The following LRFN5 variants were observed in gnomAD, a reference collection of about 807,000 sequenced individuals.
LRFN5 encodes the protein leucine-rich repeat and fibronectin type-III domain-containing protein 5.
Under a neutral mutation model 45.6 loss-of-function variants are expected in LRFN5, and 24 were observed. That is an observed-to-expected ratio of 0.53 (90% CI 0.38 to 0.74). The LOEUF is 0.74. LRFN5 is among the 30% of genes least tolerant of loss of function. LRFN5 has a pLI of 0.00. For missense variants in LRFN5, 776 were observed against 861.5 expected (o/e 0.90, Z 1.24); for synonymous variants, 340 against 313.8 (o/e 1.08, Z -0.88).
intron 5 of LRFN5, among the ~76,000 whole-genome samples, chr14:41,900,137 A>G (rs1367767605): frequency 6.6e-6 from 1 of 152,018 alleles, no homozygotes; most frequent in African/African-American, 2.4e-5. Flanking sequence ...TTAATAAATC[A>G]TATCCAGCCA....
At chr14:41,826,364 A>G (rs1221758600) in intron 2 of LRFN5, among the ~76,000 whole-genome samples, 1 of 152,176 alleles carries the variant, frequency 6.6e-6, no homozygotes, top group Non-Finnish European at 1.5e-5. Flanking sequence ...TTCAAATGTC[A>G]TCTATGCCTT....
At chr14:41,857,985 G>C (rs1889530874) in intron 2 of LRFN5, among the ~76,000 whole-genome samples, 1 of 152,150 alleles carries the variant, frequency 6.6e-6, no homozygotes, top group Admixed American at 6.5e-5. Flanking sequence ...AGGGAATGTT[G>C]AAAGATAAGG....
intron 1 of LRFN5, among the ~76,000 whole-genome samples, chr14:41,620,967 A>G (rs1888113605): frequency 4.1e-5 from 3 of 72,524 alleles, no homozygotes; most frequent in Non-Finnish European, 7.8e-5. Flanking sequence ...GAATTGATAC[A>G]TACATTAATA....
At chr14:41,807,221 C>A (rs1373319803) in intron 2 of LRFN5, among the ~76,000 whole-genome samples, 1 of 152,026 alleles carries the variant, frequency 6.6e-6, no homozygotes, top group Non-Finnish European at 1.5e-5. Context: ...GATTTTCTAC[C>A]TATTGAAGAA....
intron 1 of LRFN5, among the ~76,000 whole-genome samples, chr14:41,673,421 C>A (rs1326802176): frequency 1.5e-5 from 2 of 137,504 alleles, no homozygotes; most frequent in East Asian, 2.2e-4. Context: ...CACTGCCGGA[C>A]CGGGCGGCTG....
intron 1 of LRFN5, among the ~76,000 whole-genome samples, chr14:41,764,282 T>C (rs1217296911): frequency 6.6e-6 from 1 of 152,216 alleles, no homozygotes; most frequent in African/African-American, 2.4e-5. Flanking sequence ...CCAAGGTTAG[T>C]TGACCTTTCT....
At chr14:41,649,635 T>C (rs989200726) in intron 1 of LRFN5, among the ~76,000 whole-genome samples, 1 of 152,128 alleles carries the variant, frequency 6.6e-6, no homozygotes, top group Non-Finnish European at 1.5e-5. Flanking sequence ...TATCTGATCA[T>C]CTTTGATATT....
intron 1 of LRFN5, among the ~76,000 whole-genome samples, chr14:41,729,657 C>A (rs1173402818): frequency 6.6e-6 from 1 of 151,910 alleles, no homozygotes; most frequent in Non-Finnish European, 1.5e-5. Context: ...ATAATTCTTG[C>A]ATATATTTTG....
chr14:41,853,242 T>C (rs1889334413), intron 2 of LRFN5, among the ~76,000 whole-genome samples: 1 of 151,984 alleles, frequency 6.6e-6, no homozygotes, highest in African/African-American at 2.4e-5. Context: ...TTTTATTCAT[T>C]AATTTATACA....
intron 2 of LRFN5, among the ~76,000 whole-genome samples, chr14:41,803,542 G>A (rs1190395853): frequency 2.0e-5 from 3 of 151,626 alleles, no homozygotes; most frequent in African/African-American, 7.3e-5. Flanking sequence ...TTTTGTTGAG[G>A]TGGGTCCTCA....
intron 1 of LRFN5, among the ~76,000 whole-genome samples, chr14:41,747,123 C>T (rs1884952734): frequency 6.6e-6 from 1 of 151,912 alleles, no homozygotes; most frequent in Non-Finnish European, 1.5e-5. Context: ...ATCAGTATTA[C>T]CCAAAAGGAT....
At chr14:41,894,176 G>A in intron 4 of LRFN5, 1 of 985,188 alleles carries the variant, frequency 1.0e-6, no homozygotes. Context: ...TGAAGGTTGT[G>A]ATCAAAGATA....
At chr14:41,643,776 A>T (rs182562923) in intron 1 of LRFN5, among the ~76,000 whole-genome samples, 4 of 152,104 alleles carry the variant, frequency 2.6e-5, no homozygotes, top group African/African-American at 7.2e-5. Flanking sequence ...ATATTCTTTT[A>T]ACCCTCTGCT....
chr14:41,650,274 A>C (rs750527859), intron 1 of LRFN5, among the ~76,000 whole-genome samples: 8,640 of 81,324 alleles, frequency 0.11, 424 homozygotes, highest in African/African-American at 0.22. Flanking sequence ...CACAAAAAAA[A>C]AAAAGATACT....
chr14:41,715,646 G>A (rs2138756593), intron 1 of LRFN5, among the ~76,000 whole-genome samples: 1 of 152,304 alleles, frequency 6.6e-6, no homozygotes, highest in Middle Eastern at 3.4e-3. Flanking sequence ...CTGGAGGTTG[G>A]GAAGTACAAG....
chr14:41,749,515 G>A (rs778451646), intron 1 of LRFN5, among the ~76,000 whole-genome samples: 2 of 152,026 alleles, frequency 1.3e-5, no homozygotes, highest in Admixed American at 6.6e-5. Flanking sequence ...TGTCTTTTGC[G>A]GGAACATGGA....
At position 41,831,189 on chromosome 14, in the gene LRFN5, G is replaced by T. The variant is rs527904160; in HGVS notation, c.-20-55417G>T. ...TTCTCTCCAAAAAAGAATACAAAGAGGATATGTGTTACATTACCCGTCTTT... is the reference window on the plus strand; with the variant it reads ...TTCTCTCCAAAAAAGAATACAAAGATGATATGTGTTACATTACCCGTCTTT... On this transcript the variant is annotated intron_variant, in intron 2 of 5. Transcript: ENST00000298119. 9.9e-4 allele frequency among the ~76,000 whole-genome samples: 151 copies of T among 152,162 alleles called. 2 individuals carry two copies. The highest frequency in any genetic ancestry group is 1.9e-3 in the Non-Finnish European group (131 of 67,984).
intron 2 of LRFN5, among the ~76,000 whole-genome samples, chr14:41,886,072 G>A (rs1442430589): frequency 6.8e-6 from 1 of 147,378 alleles, no homozygotes; most frequent in Non-Finnish European, 1.5e-5. Flanking sequence ...AAGATAGTTT[G>A]TAAAGAAGAA....
chr14:41,717,335 A>G (rs1883533269), intron 1 of LRFN5, among the ~76,000 whole-genome samples: 1 of 152,214 alleles, frequency 6.6e-6, no homozygotes, highest in Admixed American at 6.5e-5. Context: ...TATTGAAGAT[A>G]GACTTACTGA....
Sources: gnomAD v4.1 joint callset for allele counts (sites outside exome capture counted in the v4.1 genomes callset) on GRCh38, gnomAD v4.1.1 for gene constraint, MANE v1.5 for transcripts, NCBI Gene and HGNC (gene_info 2026-07-23, HGNC 2026-07-21) for gene names.